The following RALYL variants were observed in gnomAD, a reference collection of about 807,000 sequenced individuals.
The protein encoded by RALYL is RALY RNA binding protein like.
Under a neutral mutation model 35.1 loss-of-function variants are expected in RALYL, and 29 were observed. That is an observed-to-expected ratio of 0.83 (90% CI 0.61 to 1.13). The LOEUF (loss-of-function observed/expected upper bound fraction) is 1.13. Ranked by LOEUF, RALYL falls within the 50% of genes most tolerant of loss-of-function variation. The pLI is 0.00. For synonymous variants in RALYL, 120 were observed against 127.6 expected, an observed-to-expected ratio of 0.94 and a Z score of 0.40; for missense variants, 359 against 360.4, an observed-to-expected ratio of 1.00 and a Z score of 0.03.
At position 84,402,419 on chromosome 8, in the gene RALYL, C is replaced by T. The variant is rs533613025; in HGVS notation, c.-23-126880C>T. 2.1e-4 allele frequency among the ~76,000 whole-genome samples: 32 copies of T among 152,058 alleles called. 1 individual carries two copies. Among genetic ancestry groups the T allele is most frequent in the Middle Eastern group, 6.8e-3 (2 of 294 alleles). On this transcript the variant is annotated intron_variant, in intron 1 of 8. Transcript: ENST00000521268. ...AACTTAGATTTTAATATATAGACTACCTGATGATAATAATGGTGTTCTAGA... is the reference window on the plus strand; with the variant it reads ...AACTTAGATTTTAATATATAGACTATCTGATGATAATAATGGTGTTCTAGA...
intron 1 of RALYL, among the ~76,000 whole-genome samples, chr8:84,195,214 G>A (rs542099604): frequency 7.2e-5 from 11 of 152,142 alleles, no homozygotes; most frequent in Admixed American, 1.3e-4. Flanking sequence ...ATTTGTCGGG[G>A]ATCTATTATA....
At chr8:84,613,404 A>G (rs1401718416) in intron 2 of RALYL, among the ~76,000 whole-genome samples, 3 of 151,562 alleles carry the variant, frequency 2.0e-5, no homozygotes, top group African/African-American at 7.3e-5. Context: ...CATTATCCTG[A>G]CTCTTAATGA....
At chr8:84,766,613 A>G (rs919581699) in intron 2 of RALYL, among the ~76,000 whole-genome samples, 2 of 149,252 alleles carry the variant, frequency 1.3e-5, no homozygotes, top group African/African-American at 4.9e-5. Context: ...AATCCCAGCT[A>G]CTTGGGAGGC....
chr8:84,874,893 G>A (rs1840842407), intron 7 of RALYL, among the ~76,000 whole-genome samples: 1 of 152,108 alleles, frequency 6.6e-6, no homozygotes, highest in Non-Finnish European at 1.5e-5. Flanking sequence ...CCCATGTACA[G>A]GCAAATGGAC....
At position 84,693,679 on chromosome 8, in the gene RALYL, C is replaced by T. The variant is rs141020990; in HGVS notation, c.257-80900C>T. ...GCACTACAAGAAGAAAAATTACAGG[C>T]TGATATTCCTGATGAACATAGATGT... On this transcript the variant is annotated intron_variant, in intron 2 of 8. Transcript: ENST00000521268. Among the ~76,000 whole-genome samples the T allele has an allele frequency of 2.0e-3, 311 of 151,926 alleles. 1 individual carries two copies. The highest frequency in any genetic ancestry group is 7.3e-3 in the African/African-American group (302 of 41,488).
intron 2 of RALYL, among the ~76,000 whole-genome samples, chr8:84,724,855 C>T (rs1844643495): frequency 6.6e-6 from 1 of 151,642 alleles, no homozygotes. Context: ...TATATATACT[C>T]TTTATTTTTC....
At chr8:84,413,436 A>G (rs1261103629) in intron 1 of RALYL, among the ~76,000 whole-genome samples, 1 of 151,850 alleles carries the variant, frequency 6.6e-6, no homozygotes, top group African/African-American at 2.4e-5. Flanking sequence ...CCCTCTTGTT[A>G]TTAGACACTG....
intron 2 of RALYL, among the ~76,000 whole-genome samples, chr8:84,598,128 G>T (rs960316324): frequency 6.6e-6 from 1 of 151,962 alleles, no homozygotes; most frequent in Admixed American, 6.6e-5. Flanking sequence ...TGTCTTCATG[G>T]AATGCCTTAC....
intron 1 of RALYL, among the ~76,000 whole-genome samples, chr8:84,380,124 TGGTTTCAGACCTGTGTTGGA>T (rs1233328141): frequency 6.6e-6 from 1 of 151,558 alleles, no homozygotes; most frequent in Admixed American, 6.6e-5. Context: ...GCATGCGTTT[TGGTTTCAGACCTGTGTTGGA>T]ATTCTGACTT....
At chr8:84,343,319 T>G (rs1010682799) in intron 1 of RALYL, among the ~76,000 whole-genome samples, 1 of 152,112 alleles carries the variant, frequency 6.6e-6, no homozygotes, top group Non-Finnish European at 1.5e-5. Flanking sequence ...CTCTGCTCAC[T>G]TTGAATATCG....
intron 1 of RALYL, chr8:84,184,904 G>A: frequency 6.8e-7 from 1 of 1,479,788 alleles, no homozygotes; most frequent in African/African-American, 1.4e-5. Flanking sequence ...GGAGGGGCTG[G>A]CTCCAGGCCA....
intron 2 of RALYL, among the ~76,000 whole-genome samples, chr8:84,531,644 G>A (rs1212214963): frequency 6.6e-6 from 1 of 151,968 alleles, no homozygotes; most frequent in African/African-American, 2.4e-5. Context: ...TCTATTTACT[G>A]TCTGTATCCT....
intron 2 of RALYL, among the ~76,000 whole-genome samples, chr8:84,766,291 G>C (rs1037979586): frequency 2.0e-5 from 3 of 152,028 alleles, no homozygotes; most frequent in Non-Finnish European, 4.4e-5. Context: ...AAATGCAAGT[G>C]AATCTTTTTT....
chr8:84,642,307 A>C (rs1334074105), intron 2 of RALYL, among the ~76,000 whole-genome samples: 1 of 152,066 alleles, frequency 6.6e-6, no homozygotes, highest in Non-Finnish European at 1.5e-5. Context: ...ATCCAAGGAA[A>C]GTTTTGAACC....
At chr8:84,229,168 G>A (rs1000237893) in intron 1 of RALYL, among the ~76,000 whole-genome samples, 5 of 152,130 alleles carry the variant, frequency 3.3e-5, no homozygotes, top group African/African-American at 9.7e-5. Flanking sequence ...TTTGGTGGCC[G>A]AAATTTATAA....
Position 84,230,090 on chromosome 8 carries a change from A to G in RALYL, c.-24+45666A>G, listed in dbSNP as rs1355295325. Among the ~76,000 whole-genome samples the G allele has an allele frequency of 2.6e-5, 4 of 152,322 alleles. No individual in the cohort carries two copies. In the East Asian group the frequency reaches 7.7e-4, roughly 29 times the overall value. ...TGTATACTCAAATAAACAAAGCTTA[A>G]TCTAATATAGTCCTCATATATAGGG... On this transcript the variant is annotated intron_variant, in intron 1 of 8. Coordinates refer to ENST00000521268, the MANE Select transcript of RALYL (RefSeq NM_173848.7).
At chr8:84,222,744 A>G (rs371907717) in intron 1 of RALYL, among the ~76,000 whole-genome samples, 88 of 152,260 alleles carry the variant, frequency 5.8e-4, no homozygotes, top group African/African-American at 2.0e-3. Context: ...GGATTTGTGT[A>G]CCATTGAGAA....
chr8:84,680,035 T>C (rs2131958009), intron 2 of RALYL, among the ~76,000 whole-genome samples: 1 of 152,000 alleles, frequency 6.6e-6, no homozygotes, highest in South Asian at 2.1e-4. Flanking sequence ...CGGTGTGTGA[T>C]GTTCCCTTCC....
intron 1 of RALYL, among the ~76,000 whole-genome samples, chr8:84,189,652 G>A (rs1813374221): frequency 6.6e-6 from 1 of 151,360 alleles, no homozygotes; most frequent in Non-Finnish European, 1.5e-5. Flanking sequence ...TGACATGTAG[G>A]AAGTCTTAAC....
Sources: gnomAD v4.1 joint callset for allele counts (sites outside exome capture counted in the v4.1 genomes callset) on GRCh38, gnomAD v4.1.1 for gene constraint, MANE v1.5 for transcripts, NCBI Gene and HGNC (gene_info 2026-07-23, HGNC 2026-07-21) for gene names.